PRKAG2: variants seen among roughly 807,000 people sequenced by gnomAD.
PRKAG2 encodes 5'-AMP-activated protein kinase subunit gamma-2.
In PRKAG2, 26 loss-of-function variants were observed where a neutral mutation model predicts 69.6. That is an observed-to-expected ratio of 0.37 (90% CI 0.27 to 0.52). The LOEUF is 0.52. Ranked by LOEUF, PRKAG2 falls within the 20% of genes least tolerant of loss-of-function variation. PRKAG2 has a pLI of 0.90. For missense variants in PRKAG2, 557 were observed against 740.0 expected (o/e 0.75, Z 2.87); for synonymous variants, 293 against 285.0 (o/e 1.03, Z -0.28).
chr7:151,836,843 G>A lies in PRKAG2; in HGVS notation c.114+39664C>T, dbSNP rs1419537544. Among the ~76,000 whole-genome samples the A allele has an allele frequency of 6.6e-6, 1 of 152,202 alleles. No individual in the cohort carries two copies. Among genetic ancestry groups the A allele is most frequent in the African/African-American group, 2.4e-5 (1 of 41,462 alleles). ...TCACTTAGGACTAAGAAGCCACTGA[G>A]AATATTCAGTTCTTGGATCATCCAC... On this transcript the variant is annotated intron_variant, in intron 1 of 15. Coordinates refer to ENST00000287878, the MANE Select transcript of PRKAG2 (RefSeq NM_016203.4). The surrounding 1 kb of genome is among the most constrained non-coding windows in gnomAD (Gnocchi z 4.1).
chr7:151,783,311 T>C (rs902409930), intron 2 of PRKAG2, among the ~76,000 whole-genome samples: 1 of 152,216 alleles, frequency 6.6e-6, no homozygotes, highest in African/African-American at 2.4e-5. Context: ...TAACTCAAGC[T>C]AAGTTTTGAG....
intron 1 of PRKAG2, among the ~76,000 whole-genome samples, chr7:151,866,578 TG>T (rs2080084009): frequency 6.6e-6 from 1 of 152,144 alleles, no homozygotes; most frequent in South Asian, 2.1e-4. Context: ...ATCAGCACCA[TG>T]AATGCAACTC....
chr7:151,728,804 C>T (rs544129293), intron 3 of PRKAG2, among the ~76,000 whole-genome samples: 57 of 152,236 alleles, frequency 3.7e-4, no homozygotes, highest in African/African-American at 9.4e-4. Context: ...GCACGCACCT[C>T]GCTGACACCC....
chr7:151,775,633 G>T (rs753226927), intron 3 of PRKAG2, among the ~76,000 whole-genome samples: 3 of 152,268 alleles, frequency 2.0e-5, no homozygotes, highest in Non-Finnish European at 4.4e-5. Flanking sequence ...CTAGCAGCCA[G>T]TGCAGACAGA....
intron 5 of PRKAG2, among the ~76,000 whole-genome samples, chr7:151,624,977 G>C (rs1480827332): frequency 1.3e-5 from 2 of 152,156 alleles, no homozygotes; most frequent in Non-Finnish European, 2.9e-5. Flanking sequence ...GTTCATTTGT[G>C]TGACAAATGT....
rs2078196754 is a variant in PRKAG2, at chr7:151,807,840, C to G, written c.115-21299G>C. ...GGCATAGGGGAGAGAAGAGATAAAT[C>G]TGGATGCGGTGGAGACAACGGCCAA... On this transcript the variant is annotated intron_variant, in intron 1 of 15. Transcript: ENST00000287878. The surrounding 1 kb of genome is among the most constrained non-coding windows in gnomAD (Gnocchi z 4.4). 6.6e-6 allele frequency among the ~76,000 whole-genome samples: 1 copy of G among 152,182 alleles called. No individual in the cohort carries two copies.
intron 4 of PRKAG2, among the ~76,000 whole-genome samples, chr7:151,637,712 T>TG (rs1554511254): frequency 1.5e-4 from 23 of 152,078 alleles, no homozygotes; most frequent in African/African-American, 5.5e-4. Context: ...ATGAGGTTTT[T>TG]TTTTTTTTTT....
rs374537183 is a variant in PRKAG2 at position 151,557,125 on chromosome 7, C to T, written c.*76G>A. The T allele has an allele frequency of 4.4e-6, 7 of 1,605,734 alleles. No homozygotes were observed. Among genetic ancestry groups the T allele is most frequent in the African/African-American group, 2.7e-5 (2 of 74,726 alleles). On this transcript the variant is annotated 3_prime_UTR_variant, in exon 16 of 16. Transcript: ENST00000287878. ...GATATACATTCTTAACCACTTGCAG[C>T]CAGTGTTCATGAGGCAAAACGTGAC...
chr7:151,747,820 C>T (rs556813059), intron 3 of PRKAG2, among the ~76,000 whole-genome samples: 28 of 151,946 alleles, frequency 1.8e-4, no homozygotes, highest in Admixed American at 3.3e-4. Flanking sequence ...ACTACATTCA[C>T]GGACATCACT....
rs968233242 is a variant in PRKAG2 at position 151,605,736 on chromosome 7, G to A, written c.755-10282C>T. 4.6e-5 allele frequency among the ~76,000 whole-genome samples: 7 copies of A among 152,142 alleles called. No homozygotes were observed. In the East Asian group the frequency reaches 5.8e-4, roughly 13 times the overall value. ...GGGTGGATCACAAGGTCATGAGATC[G>A]AGACCATCCTAGCCAACATGGTGAA... On this transcript the variant is annotated intron_variant, in intron 5 of 15. Transcript: ENST00000287878.
intron 14 of PRKAG2, among the ~76,000 whole-genome samples, chr7:151,561,241 T>C (rs7782888): frequency 0.11 from 16,268 of 152,226 alleles, 2,256 homozygotes; most frequent in African/African-American, 0.32. Flanking sequence ...AATATTAATA[T>C]AGAAAAGATA....
chr7:151,786,628 C>T lies in PRKAG2; in HGVS notation c.115-87G>A. The T allele has an allele frequency of 2.9e-6, 3 of 1,035,686 alleles. 1 individual carries two copies. The highest frequency in any genetic ancestry group is 2.7e-5 in the South Asian group (2 of 74,070). The allele number at this position is 1,035,686 out of a possible 1,614,324, so 64.2% of individuals were successfully genotyped here. A position where few individuals can be genotyped will look rare whatever the true frequency, so the allele number is the denominator to read the frequency against. The stretch of plus-strand genomic sequence containing the variant: ...AACTCTACGTGGGTGTCACCTCCCC[C>T]TTCCTGAGACCTTATCCTTCAAATC... On this transcript the variant is annotated intron_variant, in intron 1 of 15. Coordinates refer to ENST00000287878, the MANE Select transcript of PRKAG2 (RefSeq NM_016203.4).
chr7:151,741,552 G>A (rs1273669301), intron 3 of PRKAG2, among the ~76,000 whole-genome samples: 1 of 151,896 alleles, frequency 6.6e-6, no homozygotes, highest in Non-Finnish European at 1.5e-5. Context: ...GTGCATGCCT[G>A]TAACCCCAGC....
chr7:151,764,622 C>T (rs2075631134), intron 3 of PRKAG2, among the ~76,000 whole-genome samples: 1 of 152,222 alleles, frequency 6.6e-6, no homozygotes, highest in South Asian at 2.1e-4. Flanking sequence ...CTGTCAACTC[C>T]TTAGTTCATG....
At chr7:151,562,034 C>T (rs2150979611) in intron 14 of PRKAG2, among the ~76,000 whole-genome samples, 1 of 151,286 alleles carries the variant, frequency 6.6e-6, no homozygotes, top group Non-Finnish European at 1.5e-5. Flanking sequence ...ATCACAAGAT[C>T]AAGTGCTCGA....
chr7:151,846,270 C>T (rs1031974857), intron 1 of PRKAG2, among the ~76,000 whole-genome samples: 2 of 152,114 alleles, frequency 1.3e-5, no homozygotes, highest in African/African-American at 2.4e-5. Context: ...GAGTTCGAGA[C>T]CAGTCTGGCC....
intron 1 of PRKAG2, among the ~76,000 whole-genome samples, chr7:151,796,744 G>T (rs2077558411): frequency 6.6e-6 from 1 of 152,126 alleles, no homozygotes; most frequent in Non-Finnish European, 1.5e-5. Context: ...CGGGGAGAGT[G>T]GTCATAAGCT....
chr7:151,584,126 C>CCCT (rs907687936), intron 6 of PRKAG2, among the ~76,000 whole-genome samples: 1 of 152,226 alleles, frequency 6.6e-6, no homozygotes, highest in African/African-American at 2.4e-5. Context: ...CTGCATGACT[C>CCCT]CCTCCTCCCT....
intron 3 of PRKAG2, among the ~76,000 whole-genome samples, chr7:151,724,589 C>T (rs898928412): frequency 1.3e-5 from 2 of 152,160 alleles, no homozygotes; most frequent in Non-Finnish European, 1.5e-5. Context: ...GTCCCGTCGT[C>T]GCCCTCCCAG....
Sources: gnomAD v4.1 joint callset for allele counts (sites outside exome capture counted in the v4.1 genomes callset) on GRCh38, gnomAD v4.1.1 for gene constraint, Gnocchi (gnomAD v3.1) non-coding constraint, MANE v1.5 for transcripts, NCBI Gene and HGNC (gene_info 2026-07-23, HGNC 2026-07-21) for gene names.